ERBB4: variants seen among roughly 807,000 people sequenced by gnomAD.
ERBB4 encodes erb-b2 receptor tyrosine kinase 4.
ERBB4 carries 42 observed loss-of-function variants against 158.0 expected under a neutral mutation model. The observed-to-expected ratio is 0.27, with a 90% CI of 0.21 to 0.34. The LOEUF (loss-of-function observed/expected upper bound fraction) is 0.34. Among genes scored for constraint, ERBB4 ranks in the 10% least tolerant of loss-of-function variants. The pLI is 1.00. For missense variants in ERBB4, 1,333 were observed against 1,624.1 expected (o/e 0.82, Z 3.08); for synonymous variants, 583 against 558.7 (o/e 1.04, Z -0.61).
chr2:212,372,936 A>G (rs1490764685), intron 1 of ERBB4, among the ~76,000 whole-genome samples: 1 of 152,178 alleles, frequency 6.6e-6, no homozygotes, highest in Non-Finnish European at 1.5e-5. Context: ...AAAACTATAC[A>G]TAACAGGGAA....
intron 1 of ERBB4, among the ~76,000 whole-genome samples, chr2:212,175,329 C>T (rs2081630500): frequency 6.6e-6 from 1 of 151,954 alleles, no homozygotes; most frequent in African/African-American, 2.4e-5. Flanking sequence ...ATACCAAAGG[C>T]TTATTGAGAC....
chr2:211,631,518 AGATT>A (rs1382469230), intron 16 of ERBB4, among the ~76,000 whole-genome samples: 1 of 152,308 alleles, frequency 6.6e-6, no homozygotes, highest in East Asian at 1.9e-4. Flanking sequence ...GATTAAGAAG[AGATT>A]GATTGGAAAT....
At chr2:212,011,509 G>T (rs1195109670) in intron 2 of ERBB4, among the ~76,000 whole-genome samples, 1 of 152,072 alleles carries the variant, frequency 6.6e-6, no homozygotes, top group Non-Finnish European at 1.5e-5. Context: ...CCAGCACCCT[G>T]GGAGGCTGAG....
chr2:211,605,029 CTT>C (rs756747749), intron 19 of ERBB4, among the ~76,000 whole-genome samples: 1 of 152,116 alleles, frequency 6.6e-6, no homozygotes, highest in Non-Finnish European at 1.5e-5. Flanking sequence ...TTTCTGCTAA[CTT>C]ATAGTTTAAA....
intron 2 of ERBB4, among the ~76,000 whole-genome samples, chr2:212,102,988 C>T (rs2079126670): frequency 6.6e-6 from 1 of 152,126 alleles, no homozygotes; most frequent in Non-Finnish European, 1.5e-5. Flanking sequence ...CTCTTCTCCA[C>T]TTCTATACTC....
rs118184910 is a variant in ERBB4 at position 211,746,122 on chromosome 2, T to C, written c.622+4517A>G. 1.8e-3 allele frequency among the ~76,000 whole-genome samples: 269 copies of C among 152,336 alleles called. 3 individuals are homozygous for C. In the East Asian group the frequency reaches 0.032, roughly 18 times the overall value. On this transcript the variant is annotated intron_variant, in intron 5 of 27. Coordinates refer to ENST00000342788, the MANE Select transcript of ERBB4 (RefSeq NM_005235.3). ...TAAAGTTCTATGTTAACTTGTATAC[T>C]ATTCTAACATTTGGCCGGTGTGGTG...
At chr2:211,953,286 T>C (rs2080928167) in intron 2 of ERBB4, among the ~76,000 whole-genome samples, 1 of 151,694 alleles carries the variant, frequency 6.6e-6, no homozygotes, top group South Asian at 2.1e-4. Flanking sequence ...CTAATGTAGG[T>C]GACGGGTTGA....
intron 1 of ERBB4, among the ~76,000 whole-genome samples, chr2:212,406,356 C>T (rs1416853685): frequency 6.6e-6 from 1 of 152,102 alleles, no homozygotes; most frequent in Non-Finnish European, 1.5e-5. Context: ...AATCGGTTCA[C>T]TTTGGACAGA....
In ERBB4 at chr2:212,001,907, A is replaced by T. The variant is rs185337243; in HGVS notation, c.235-54291T>A. On this transcript the variant is annotated intron_variant, in intron 2 of 27. Coordinates refer to ENST00000342788, the MANE Select transcript of ERBB4 (RefSeq NM_005235.3). ...ATGTTTCAATAAAGAAGTAAACAAG[A>T]TAAATTTAGCTTCATATTAATAGCG... Among the ~76,000 whole-genome samples, 585 of 152,354 alleles carry T rather than the reference A, an allele frequency of 3.8e-3. 14 individuals are homozygous for T. Among genetic ancestry groups the T allele is most frequent in the Admixed American group, 0.036 (555 of 15,298 alleles).
At chr2:212,063,384 A>G (rs531455695) in intron 2 of ERBB4, among the ~76,000 whole-genome samples, 3 of 152,276 alleles carry the variant, frequency 2.0e-5, no homozygotes, top group Non-Finnish European at 4.4e-5. Context: ...GTTATCTTAA[A>G]TAGTTTGAAG....
intron 1 of ERBB4, among the ~76,000 whole-genome samples, chr2:212,460,768 G>A (rs1560388115): frequency 6.6e-6 from 1 of 152,210 alleles, no homozygotes; most frequent in Admixed American, 6.5e-5. Context: ...TTTCTGAGGA[G>A]AAATTCCAGC....
chr2:211,415,206 T>TC lies in ERBB4; in HGVS notation c.3135+5234dup, dbSNP rs534520653. Among the ~76,000 whole-genome samples the TC allele has an allele frequency of 6.7e-3, 868 of 130,410 alleles. 8 individuals carry two copies. The highest frequency in any genetic ancestry group is 0.022 in the South Asian group (82 of 3,786). 85.6% of individuals were successfully genotyped at this position (130,410 alleles called of 152,430 possible). A position where few individuals can be genotyped will look rare whatever the true frequency, so the allele number is the denominator to read the frequency against. ...ACCTCGGCTCACTGCAAGCTCCGCC[T>TC]CCCGGGTTCACGCCATTCTCCTGCC... On this transcript the variant is annotated intron_variant, in intron 25 of 27. Transcript: ENST00000342788.
At position 211,621,607 on chromosome 2, in the gene ERBB4, G is replaced by A. The variant is rs542711002; in HGVS notation, c.2202+2315C>T. ...TTTTCTCTGCTGAGGACATTAGATA[G>A]TGTTTAGTCTTGAGTTATAGGGTAT... On this transcript the variant is annotated intron_variant, in intron 18 of 27. Transcript: ENST00000342788. 1.6e-4 allele frequency among the ~76,000 whole-genome samples: 25 copies of A among 152,246 alleles called. No individual in the cohort carries two copies. The South Asian group carries it at 4.1e-3, about 25-fold the overall frequency.
At chr2:212,221,332 C>A (rs2083284165) in intron 1 of ERBB4, among the ~76,000 whole-genome samples, 1 of 151,514 alleles carries the variant, frequency 6.6e-6, no homozygotes, top group African/African-American at 2.4e-5. Context: ...ATTTCTTTAG[C>A]AACAAGGATG....
intron 12 of ERBB4, among the ~76,000 whole-genome samples, chr2:211,692,464 T>G (rs75171576): frequency 0.037 from 5,594 of 152,232 alleles, 333 homozygotes; most frequent in African/African-American, 0.13. Flanking sequence ...ATTTAGTCTC[T>G]CATAGTTCTG....
At chr2:211,439,396 T>C (rs1394289160) in intron 20 of ERBB4, among the ~76,000 whole-genome samples, 1 of 152,186 alleles carries the variant, frequency 6.6e-6, no homozygotes, top group Admixed American at 6.5e-5. Context: ...AAGAGGCTTG[T>C]TTAAAAGCCT....
intron 5 of ERBB4, among the ~76,000 whole-genome samples, chr2:211,750,197 G>A (rs560353411): frequency 1.3e-5 from 2 of 152,214 alleles, no homozygotes; most frequent in South Asian, 4.2e-4. Flanking sequence ...CCTGTGCCTG[G>A]AACAGTGCCT....
In ERBB4 at chr2:211,424,209, G is replaced by A. The variant is rs2063575508; in HGVS notation, c.2812C>T (p.Arg938Cys). ...GTGCAGATGGGAGGCTGAGGCAAAC[G>A]TTCTCCTTTCTCTAATAAATCAGGG... ...EIPDLLEKGERLPQPPICTID... is the reference protein window; with the variant it reads ...EIPDLLEKGECLPQPPICTID... Residue 938 changes from arginine (R) to cysteine (C), a missense_variant, in exon 23 of 28, where the codon CGT becomes TGT. By Grantham distance (180) the Arg-to-Cys change is radical (BLOSUM62 -3). Transcript: ENST00000342788. 1.2e-6 allele frequency: 2 copies of A among 1,613,238 alleles called. No individual in the cohort carries two copies. Among genetic ancestry groups the A allele is most frequent in the East Asian group, 2.2e-5 (1 of 44,840 alleles).
At chr2:212,271,887 G>A (rs779813519) in intron 1 of ERBB4, among the ~76,000 whole-genome samples, 12 of 151,758 alleles carry the variant, frequency 7.9e-5, no homozygotes, top group Non-Finnish European at 1.3e-4. Flanking sequence ...TGCTCTAGAC[G>A]TTTAGCAAAG....
Sources: gnomAD v4.1 joint callset for allele counts (sites outside exome capture counted in the v4.1 genomes callset) on GRCh38, gnomAD v4.1.1 for gene constraint, MANE v1.5 for transcripts, NCBI Gene and HGNC (gene_info 2026-07-23, HGNC 2026-07-21) for gene names.